CNIH3: variants seen among roughly 807,000 people sequenced by gnomAD.
The protein encoded by CNIH3 is cornichon family AMPA receptor auxiliary protein 3.
In CNIH3, 14 loss-of-function variants were observed where a neutral mutation model predicts 24.1. The ratio of observed to expected loss-of-function variants is 0.58; its 90% confidence interval spans 0.38 to 0.91. CNIH3 has a LOEUF of 0.91. Among genes scored for constraint, CNIH3 ranks in the 40% least tolerant of loss-of-function variants. The pLI, the probability that CNIH3 is intolerant of heterozygous loss-of-function variation, is 0.00. For synonymous variants in CNIH3, 68 were observed against 73.8 expected, an observed-to-expected ratio of 0.92 and a Z score of 0.40; for missense variants, 178 against 196.8, an observed-to-expected ratio of 0.90 and a Z score of 0.57.
In CNIH3 at chr1:224,616,572, G is replaced by C. The variant is rs1683003510; in HGVS notation, c.-603G>C. On this transcript the variant is annotated 5_prime_UTR_variant, in exon 1 of 6. Coordinates refer to ENST00000272133, the MANE Select transcript of CNIH3 (RefSeq NM_152495.2). ...GCTGGAAGCCGCGTCTGGGGCGCAG[G>C]ACCAACGGGACCTACCTCCTCCCGG... 2.0e-6 allele frequency: 2 copies of C among 986,620 alleles called. No individual in the cohort carries two copies. Among genetic ancestry groups the C allele is most frequent in the Admixed American group, 6.1e-5 (1 of 16,290 alleles). 61.1% of individuals were successfully genotyped at this position (986,620 alleles called of 1,614,324 possible).
At chr1:224,585,921 C>A (rs2125020733) in intron 5 of CNIH3, among the ~76,000 whole-genome samples, 1 of 152,296 alleles carries the variant, frequency 6.6e-6, no homozygotes, top group East Asian at 1.9e-4. Flanking sequence ...AATCCATAAG[C>A]AGCATTAGTC....
chr1:224,661,314 AG>A (rs2125117436), intron 1 of CNIH3: 1 of 294,236 alleles, frequency 3.4e-6, no homozygotes, highest in African/African-American at 2.3e-5. Context: ...CCATTTCAGT[AG>A]AAGTTGATAC....
chr1:224,620,331 T>A (rs1683219582), intron 1 of CNIH3, among the ~76,000 whole-genome samples: 1 of 152,244 alleles, frequency 6.6e-6, no homozygotes, highest in South Asian at 2.1e-4. Context: ...ACAGCTGATA[T>A]GTATTGGAGC....
chr1:224,607,977 A>G (rs1056017983), intron 3 of CNIH3, among the ~76,000 whole-genome samples: 1 of 152,212 alleles, frequency 6.6e-6, no homozygotes, highest in African/African-American at 2.4e-5. Context: ...AAGGGTTAAC[A>G]TGTCCTGGTG....
At chr1:224,468,706 G>C (rs886630172) in intron 1 of CNIH3, among the ~76,000 whole-genome samples, 9 of 151,808 alleles carry the variant, frequency 5.9e-5, no homozygotes, top group Admixed American at 4.6e-4. Context: ...ATGAGAGTAC[G>C]TCTGTGGTAG....
At chr1:224,474,706 C>G (rs1676498589) in intron 1 of CNIH3, among the ~76,000 whole-genome samples, 1 of 151,946 alleles carries the variant, frequency 6.6e-6, no homozygotes, top group Admixed American at 6.6e-5. Flanking sequence ...TTTATCCAGA[C>G]TAAGAAAAAA....
At chr1:224,442,013 ATTTTTTTTT>A (rs1167622615) in intron 1 of CNIH3, among the ~76,000 whole-genome samples, 1 of 119,996 alleles carries the variant, frequency 8.3e-6, no homozygotes, top group South Asian at 2.6e-4. Flanking sequence ...GATTCCCTTA[ATTTTTTTTT>A]TTTTTTTTTT....
chr1:224,627,169 A>G (rs1044708493), intron 1 of CNIH3, among the ~76,000 whole-genome samples: 4 of 152,176 alleles, frequency 2.6e-5, no homozygotes, highest in African/African-American at 9.7e-5. Flanking sequence ...AGCAGAAAAA[A>G]GTCACCTCTT....
chr1:224,591,291 C>T (rs1681744845), downstream of CNIH3, among the ~76,000 whole-genome samples: 1 of 152,200 alleles, frequency 6.6e-6, no homozygotes, highest in Non-Finnish European at 1.5e-5. Context: ...CATTTATATT[C>T]TCCACTGGCT....
At chr1:224,581,875 G>A (rs945123454) in intron 4 of CNIH3, among the ~76,000 whole-genome samples, 3 of 152,162 alleles carry the variant, frequency 2.0e-5, no homozygotes, top group Admixed American at 6.6e-5. Flanking sequence ...ATTACAGGGG[G>A]ATAAGGAGGA....
At chr1:224,562,697 G>A (rs1487036609) in intron 3 of CNIH3, among the ~76,000 whole-genome samples, 1 of 152,066 alleles carries the variant, frequency 6.6e-6, no homozygotes, top group African/African-American at 2.4e-5. Flanking sequence ...TAGTTCACAT[G>A]AGAGTGGTTG....
chr1:224,705,282 A>G (rs943062717), intron 3 of CNIH3, among the ~76,000 whole-genome samples: 3 of 152,222 alleles, frequency 2.0e-5, no homozygotes, highest in African/African-American at 4.8e-5. Flanking sequence ...TCTAATGAGC[A>G]GCAGGATTAG....
At chr1:224,651,529 T>G (rs1367332293) in intron 1 of CNIH3, among the ~76,000 whole-genome samples, 1 of 152,326 alleles carries the variant, frequency 6.6e-6, no homozygotes, top group East Asian at 1.9e-4. Context: ...CTGGTGTATA[T>G]CCTTCATTTG....
At chr1:224,697,979 T>C (rs1245399655) in intron 3 of CNIH3, among the ~76,000 whole-genome samples, 1 of 152,188 alleles carries the variant, frequency 6.6e-6, no homozygotes, top group Non-Finnish European at 1.5e-5. Flanking sequence ...TCCAGACATA[T>C]CTTCTCCCCA....
chr1:224,735,109 C>T (rs961338116), intron 5 of CNIH3, among the ~76,000 whole-genome samples: 2 of 152,156 alleles, frequency 1.3e-5, no homozygotes, highest in African/African-American at 4.8e-5. Flanking sequence ...TGTCCCTTGC[C>T]CCAAGGATTC....
chr1:224,609,501 C>G (rs1050058278), intron 3 of CNIH3, among the ~76,000 whole-genome samples: 2 of 151,990 alleles, frequency 1.3e-5, no homozygotes, highest in African/African-American at 4.8e-5. Context: ...ACTTGGTGAG[C>G]TGGATTTAAG....
At chr1:224,554,467 TA>T (rs1366407304) in intron 3 of CNIH3, among the ~76,000 whole-genome samples, 3 of 152,020 alleles carry the variant, frequency 2.0e-5, no homozygotes, top group Non-Finnish European at 4.4e-5. Context: ...AAAGATTTTT[TA>T]AAAAAATGGG....
intron 3 of CNIH3, among the ~76,000 whole-genome samples, chr1:224,601,636 C>A (rs753283617): frequency 1.3e-4 from 20 of 152,150 alleles, no homozygotes; most frequent in Non-Finnish European, 2.4e-4. Flanking sequence ...TACTGTAACA[C>A]TAGGATGAGA....
chr1:224,528,760 G>C (rs914360328), intron 2 of CNIH3, among the ~76,000 whole-genome samples: 1 of 152,124 alleles, frequency 6.6e-6, no homozygotes, highest in African/African-American at 2.4e-5. Context: ...ACAATATAAA[G>C]ACAAATTCAT....
Sources: allele counts gnomAD v4.1 joint callset (sites outside exome capture counted in the v4.1 genomes callset), GRCh38; gene constraint gnomAD v4.1.1; transcripts MANE v1.5; gene names NCBI Gene and HGNC (gene_info 2026-07-23, HGNC 2026-07-21).